Variants in GRID2 observed in about 807,000 individuals in gnomAD.
The protein encoded by GRID2 is glutamate receptor ionotropic, delta-2.
A neutral mutation model predicts 114.8 loss-of-function variants in GRID2; 33 were observed. The ratio of observed to expected loss-of-function variants is 0.29; its 90% CI spans 0.22 to 0.38. The LOEUF (loss-of-function observed/expected upper bound fraction) is 0.38. Ranked by LOEUF, GRID2 falls within the 10% of genes least tolerant of loss-of-function variation. The pLI is 1.00. For missense variants in GRID2, 1,184 were observed against 1,257.7 expected (o/e 0.94, Z 0.89); for synonymous variants, 505 against 449.9 (o/e 1.12, Z -1.55).
At chr4:93,098,202 C>T (rs1266296691) in intron 3 of GRID2, among the ~76,000 whole-genome samples, 12 of 151,910 alleles carry the variant, frequency 7.9e-5, no homozygotes, top group African/African-American at 2.4e-4. Context: ...TTTTGCTTTT[C>T]AATTTTATGT....
intron 2 of GRID2, among the ~76,000 whole-genome samples, chr4:92,724,984 T>C (rs1163491244): frequency 1.3e-5 from 2 of 152,044 alleles, no homozygotes; most frequent in African/African-American, 4.8e-5. Context: ...GAACCACAAC[T>C]ATTACCACCG....
intron 2 of GRID2, among the ~76,000 whole-genome samples, chr4:92,884,266 A>G (rs1386164591): frequency 1.3e-5 from 2 of 152,172 alleles, no homozygotes; most frequent in African/African-American, 4.8e-5. Flanking sequence ...CATAGAGTTG[A>G]AGAGAGTTGG....
At chr4:93,747,934 TTC>T (rs1731988424) in intron 14 of GRID2, among the ~76,000 whole-genome samples, 1 of 152,164 alleles carries the variant, frequency 6.6e-6, no homozygotes, top group South Asian at 2.1e-4. Flanking sequence ...AGTACTATTT[TTC>T]AACTTGCAGA....
intron 2 of GRID2, among the ~76,000 whole-genome samples, chr4:93,016,445 G>A (rs1722731552): frequency 6.6e-6 from 1 of 152,140 alleles, no homozygotes; most frequent in Admixed American, 6.6e-5. Context: ...CAAGAGGATA[G>A]TAGAGTAAAG....
intron 14 of GRID2, among the ~76,000 whole-genome samples, chr4:93,694,925 A>G (rs1239956723): frequency 6.6e-6 from 1 of 152,106 alleles, no homozygotes; most frequent in Non-Finnish European, 1.5e-5. Flanking sequence ...TAATCCTAGC[A>G]CTTTGGGAGG....
chr4:92,348,004 G>A (rs1337850550), intron 1 of GRID2, among the ~76,000 whole-genome samples: 1 of 152,194 alleles, frequency 6.6e-6, no homozygotes, highest in Non-Finnish European at 1.5e-5. Context: ...TGCCAAGGCA[G>A]GAGTACAGTG....
chr4:93,550,195 C>G (rs1320995349), intron 13 of GRID2, among the ~76,000 whole-genome samples: 1 of 152,132 alleles, frequency 6.6e-6, no homozygotes. Flanking sequence ...GATCCTCCTG[C>G]CTCAGCCTCC....
intron 10 of GRID2, among the ~76,000 whole-genome samples, chr4:93,428,789 C>A (rs1257892447): frequency 6.6e-6 from 1 of 152,020 alleles, no homozygotes; most frequent in Non-Finnish European, 1.5e-5. Context: ...TTTAAGTTAT[C>A]AATATTTACA....
intron 14 of GRID2, among the ~76,000 whole-genome samples, chr4:93,630,882 G>A (rs1245248799): frequency 1.3e-5 from 2 of 152,124 alleles, no homozygotes; most frequent in Non-Finnish European, 2.9e-5. Context: ...TGTACATTCT[G>A]TCTTCCCTTA....
At chr4:92,989,762 A>G (rs1440691119) in intron 2 of GRID2, among the ~76,000 whole-genome samples, 2 of 152,154 alleles carry the variant, frequency 1.3e-5, no homozygotes, top group East Asian at 3.9e-4. Context: ...AAAATCTTTC[A>G]CACAATTCAT....
chr4:92,667,293 A>T (rs186477429), intron 2 of GRID2, among the ~76,000 whole-genome samples: 1 of 151,748 alleles, frequency 6.6e-6, no homozygotes, highest in East Asian at 1.9e-4. Flanking sequence ...TTGAGTTTTT[A>T]ATAATATTTG....
intron 14 of GRID2, among the ~76,000 whole-genome samples, chr4:93,647,407 G>A (rs945028712): frequency 6.6e-6 from 1 of 152,140 alleles, no homozygotes; most frequent in Admixed American, 6.6e-5. Context: ...CTCAAGAACC[G>A]AAGTTCTTTT....
At chr4:92,608,944 G>C (rs1022587339) in intron 2 of GRID2, among the ~76,000 whole-genome samples, 2 of 151,626 alleles carry the variant, frequency 1.3e-5, no homozygotes, top group Non-Finnish European at 2.9e-5. Context: ...TAAATACCAA[G>C]GTGCATCAAT....
intron 14 of GRID2, among the ~76,000 whole-genome samples, chr4:93,633,037 A>C (rs1721073830): frequency 6.7e-6 from 1 of 148,192 alleles, no homozygotes. Context: ...CTGGTGTATA[A>C]GATCTCTTTC....
chr4:93,195,550 C>T (rs1741402890), intron 4 of GRID2, among the ~76,000 whole-genome samples: 1 of 152,140 alleles, frequency 6.6e-6, no homozygotes, highest in Admixed American at 6.6e-5. Flanking sequence ...TGGACAACGT[C>T]ATCAGGCAGA....
intron 2 of GRID2, among the ~76,000 whole-genome samples, chr4:92,665,228 A>G (rs1433111047): frequency 1.3e-5 from 2 of 149,884 alleles, no homozygotes; most frequent in Non-Finnish European, 3.0e-5. Flanking sequence ...TGGTAATTAC[A>G]TTTAACATCC....
chr4:92,611,104 ATATGTGTGTG>A (rs942286679), intron 2 of GRID2, among the ~76,000 whole-genome samples: 11 of 137,620 alleles, frequency 8.0e-5, no homozygotes, highest in East Asian at 2.3e-4. Context: ...GTGTGTGTGT[ATATGTGTGTG>A]TATGTGTGTG....
chr4:92,520,337 G>T (rs113870350), intron 1 of GRID2, among the ~76,000 whole-genome samples: 51 of 151,072 alleles, frequency 3.4e-4, no homozygotes, highest in African/African-American at 1.2e-3. Flanking sequence ...AGAGAAGGAA[G>T]AAAACAAAGA....
intron 8 of GRID2, among the ~76,000 whole-genome samples, chr4:93,393,343 G>T (rs1765031517): frequency 6.6e-6 from 1 of 151,798 alleles, no homozygotes; most frequent in Non-Finnish European, 1.5e-5. Context: ...GGATGTATGA[G>T]TCAGGCGGAA....
Sources: gnomAD v4.1 joint callset for allele counts (sites outside exome capture counted in the v4.1 genomes callset) on GRCh38, gnomAD v4.1.1 for gene constraint, MANE v1.5 for transcripts, NCBI Gene and HGNC (gene_info 2026-07-23, HGNC 2026-07-21) for gene names.